The following KLHL12 variants were observed in gnomAD, a reference collection of about 807,000 sequenced individuals.
KLHL12 encodes the protein kelch-like protein 12.
A neutral mutation model predicts 60.8 loss-of-function variants in KLHL12; 17 were observed. The observed-to-expected ratio is 0.28, with a 90% CI of 0.19 to 0.42. KLHL12 has a LOEUF of 0.42. Among genes scored for constraint, KLHL12 ranks in the 10% least tolerant of loss-of-function variants. The pLI, the probability that KLHL12 is intolerant of heterozygous loss-of-function variation, is 1.00. For missense variants in KLHL12, 468 were observed against 722.3 expected (o/e 0.65, Z 4.04); for synonymous variants, 220 against 250.9 (o/e 0.88, Z 1.16).
In KLHL12 at chr1:202,924,685, GTT is replaced by G. The variant is rs990743780; in HGVS notation, c.195+281_195+282del. ...GTAAAATCCAATAGCTGACATGTGT[GTT>G]TTACTACATATTACACTATTCTAAG... On this transcript the variant is annotated intron_variant, in intron 2 of 11. Coordinates refer to ENST00000367261, the MANE Select transcript of KLHL12 (RefSeq NM_021633.4). 1.6e-4 allele frequency among the ~76,000 whole-genome samples: 24 copies of G among 152,146 alleles called. 1 individual carries two copies. Among genetic ancestry groups the G allele is most frequent in the African/African-American group, 5.1e-4 (21 of 41,412 alleles).
At chr1:202,892,752 G>A in intron 11 of KLHL12, 93 bp from the exon 12 acceptor site, 1 of 1,385,252 alleles carries the variant, frequency 7.2e-7, no homozygotes, top group African/African-American at 1.4e-5. Context: ...TGAGGTAAGA[G>A]GATTGCTTAA....
intron 6 of KLHL12, among the ~76,000 whole-genome samples, chr1:202,899,306 C>T (rs1659934214): frequency 6.6e-6 from 1 of 152,144 alleles, no homozygotes; most frequent in African/African-American, 2.4e-5. Context: ...GGCAAAACTC[C>T]ATCTCAAAGA....
chr1:202,916,534 C>T (rs1292130859), intron 4 of KLHL12, among the ~76,000 whole-genome samples: 1 of 150,314 alleles, frequency 6.7e-6, no homozygotes, highest in Non-Finnish European at 1.5e-5. Flanking sequence ...GTCCCAGCTA[C>T]CTGGGAGGCC....
intron 2 of KLHL12, among the ~76,000 whole-genome samples, chr1:202,921,743 C>T (rs1477422786): frequency 6.6e-6 from 1 of 152,046 alleles, no homozygotes; most frequent in African/African-American, 2.4e-5. Flanking sequence ...TCTGAAAATA[C>T]CTTATGAAAA....
intron 6 of KLHL12, among the ~76,000 whole-genome samples, chr1:202,907,751 T>A (rs1660239262): frequency 6.6e-6 from 1 of 150,536 alleles, no homozygotes; most frequent in South Asian, 2.1e-4. Flanking sequence ...TACAAAAAAA[T>A]ATAAAAATTA....
At position 202,921,323 on chromosome 1, in the gene KLHL12, T is replaced by A. The variant is rs1464691164; in HGVS notation, c.196-1415A>T. Among the ~76,000 whole-genome samples, 6 of 152,084 alleles carry A rather than the reference T, an allele frequency of 3.9e-5. 1 individual carries two copies. The highest frequency in any genetic ancestry group is 8.8e-5 in the Non-Finnish European group (6 of 68,000). On this transcript the variant is annotated intron_variant, in intron 2 of 11. Coordinates refer to ENST00000367261, the MANE Select transcript of KLHL12 (RefSeq NM_021633.4). The stretch of plus-strand genomic sequence containing the variant: ...CTGAGTAGCTGGGACTACAGGCACA[T>A]GCCACCATGCCTGGCTAATTTTTGT...
intron 7 of KLHL12, 101 bp downstream of exon 7, chr1:202,896,751 TTA>T (rs1328726841): frequency 6.9e-6 from 6 of 866,520 alleles, no homozygotes; most frequent in Non-Finnish European, 9.8e-6. Context: ...AAACATCCTG[TTA>T]TTAGGCTTTT....
chr1:202,913,561 T>C (rs1220975727), intron 4 of KLHL12, among the ~76,000 whole-genome samples: 1 of 152,134 alleles, frequency 6.6e-6, no homozygotes, highest in Non-Finnish European at 1.5e-5. Flanking sequence ...TGCTCTTAAA[T>C]GGGGAGTCAA....
chr1:202,907,904 T>C (rs1660244327), intron 6 of KLHL12, among the ~76,000 whole-genome samples: 1 of 151,930 alleles, frequency 6.6e-6, no homozygotes, highest in Non-Finnish European at 1.5e-5. Flanking sequence ...TGAGACCTCA[T>C]TTCTATTAAA....
chr1:202,919,739 G>A lies in KLHL12; in HGVS notation c.349+16C>T, dbSNP rs773446760. 5 of 1,590,114 alleles carry A rather than the reference G, an allele frequency of 3.1e-6. No homozygotes were observed. Among genetic ancestry groups the A allele is most frequent in the African/African-American group, 1.4e-5 (1 of 73,756 alleles). On this transcript the variant is annotated intron_variant, in intron 3 of 11. Transcript: ENST00000367261. ...GCTATTTTGACATAAACAATAGCAAGTTTTAATGTCTGTACCTTTCAACTG... is the reference window on the plus strand; with the variant it reads ...GCTATTTTGACATAAACAATAGCAAATTTTAATGTCTGTACCTTTCAACTG...
chr1:202,894,566 C>A (rs767702820), intron 9 of KLHL12, 25 bp downstream of exon 9: 5 of 1,612,984 alleles, frequency 3.1e-6, no homozygotes, highest in Non-Finnish European at 4.2e-6. Context: ...AGTTCCCTCC[C>A]ATTCCTGCAT....
At chr1:202,899,535 A>C (rs1321335544) in intron 6 of KLHL12, among the ~76,000 whole-genome samples, 1 of 151,804 alleles carries the variant, frequency 6.6e-6, no homozygotes, top group Non-Finnish European at 1.5e-5. Context: ...GCTCCTTCGA[A>C]AATCAAAGCA....
intron 6 of KLHL12, among the ~76,000 whole-genome samples, chr1:202,902,340 G>A (rs553717247): frequency 2.0e-5 from 3 of 151,856 alleles, no homozygotes; most frequent in Admixed American, 2.0e-4. Flanking sequence ...TGAGGCAGGA[G>A]AATCGCTTGA....
chr1:202,921,834 T>C, intron 2 of KLHL12, among the ~76,000 whole-genome samples: 1 of 152,216 alleles, frequency 6.6e-6, no homozygotes, highest in East Asian at 1.9e-4. Flanking sequence ...ACTAAATGGC[T>C]TTAACGTTTT....
chr1:202,912,356 G>A (rs1660388888), intron 4 of KLHL12: 3 of 794,160 alleles, frequency 3.8e-6, no homozygotes, highest in Non-Finnish European at 6.7e-6. Flanking sequence ...GGAAAGCCCT[G>A]TCAAAGTAAG....
chr1:202,915,065 A>C (rs1021619648), intron 4 of KLHL12: 1 of 152,144 alleles, frequency 6.6e-6, no homozygotes, highest in East Asian at 1.9e-4. Context: ...CCAAACATTA[A>C]TGCCTCACTA....
In KLHL12 at chr1:202,909,133, T is replaced by C. The variant is rs757077478; in HGVS notation, c.718-9A>G. 7.0e-6 allele frequency: 11 copies of C among 1,579,370 alleles called. No individual in the cohort carries two copies. Among genetic ancestry groups the C allele is most frequent in the East Asian group, 2.2e-5 (1 of 44,702 alleles). On this transcript the variant is annotated splice_polypyrimidine_tract_variant and intron_variant, in intron 5 of 11. Transcript: ENST00000367261. The surrounding 1 kb of genome is among the most constrained non-coding windows in gnomAD (Gnocchi z 4.1). ...CTACAGCGGATGAAAGGCTGAAATA[T>C]AGCAGACAGCAGAGTTAGGCACTGG...
At chr1:202,900,596 G>A (rs968902255) in intron 6 of KLHL12, among the ~76,000 whole-genome samples, 1 of 152,066 alleles carries the variant, frequency 6.6e-6, no homozygotes, top group East Asian at 1.9e-4. Flanking sequence ...GGGCGTGGTG[G>A]CTCACGCCTG....
upstream of KLHL12, among the ~76,000 whole-genome samples, chr1:202,927,767 G>C (rs1176951018): frequency 6.8e-6 from 1 of 147,476 alleles, no homozygotes. Flanking sequence ...ATTACTTGAG[G>C]TCAGGAGTTC....
Sources: allele counts gnomAD v4.1 joint callset (sites outside exome capture counted in the v4.1 genomes callset), GRCh38; gene constraint gnomAD v4.1.1; non-coding constraint Gnocchi (gnomAD v3.1); transcripts MANE v1.5; gene names NCBI Gene and HGNC (gene_info 2026-07-23, HGNC 2026-07-21).